Variants in BABAM2 observed in about 807,000 individuals in gnomAD.
BABAM2 encodes BRISC and BRCA1 A complex member 2.
In BABAM2, 31 loss-of-function variants were observed where a neutral mutation model predicts 54.7. The observed-to-expected ratio is 0.57, with a 90% CI of 0.43 to 0.77. The LOEUF (loss-of-function observed/expected upper bound fraction) is 0.77. Among genes scored for constraint, BABAM2 ranks in the 30% least tolerant of loss-of-function variants. The probability of loss-of-function intolerance (pLI) is 0.00; values close to 1 mark genes in which losing one functional copy is unlikely to be tolerated. For missense variants in BABAM2, 364 were observed against 455.8 expected (o/e 0.80, Z 1.83); for synonymous variants, 167 against 162.9 (o/e 1.03, Z -0.19).
intron 2 of BABAM2, among the ~76,000 whole-genome samples, chr2:27,920,635 C>G (rs915104725): frequency 1.3e-5 from 2 of 152,058 alleles, no homozygotes; most frequent in African/African-American, 4.8e-5. Context: ...TCCTTCTCAG[C>G]TGATGTTAAA....
intron 10 of BABAM2, among the ~76,000 whole-genome samples, chr2:28,278,441 T>G (rs180732913): frequency 2.0e-5 from 3 of 152,238 alleles, no homozygotes; most frequent in Admixed American, 2.0e-4. Context: ...AACACTCAGA[T>G]TTTGGAGGTG....
intron 7 of BABAM2, among the ~76,000 whole-genome samples, chr2:28,156,942 T>G (rs1672596490): frequency 1.3e-5 from 2 of 152,236 alleles, no homozygotes; most frequent in African/African-American, 4.8e-5. Flanking sequence ...GATAGAAATC[T>G]CTTTCACAGC....
chr2:28,185,685 G>C (rs1676202180), intron 7 of BABAM2, among the ~76,000 whole-genome samples: 1 of 151,926 alleles, frequency 6.6e-6, no homozygotes, highest in Admixed American at 6.6e-5. Context: ...CAAGTTACCT[G>C]GATCACCACA....
intron 6 of BABAM2, among the ~76,000 whole-genome samples, chr2:28,056,315 T>G (rs1678408896): frequency 2.0e-5 from 3 of 152,232 alleles, no homozygotes; most frequent in Non-Finnish European, 4.4e-5. Context: ...AGATGATGGA[T>G]GTATTAATTT....
chr2:28,315,423 TTTCTTTTCTTTTC>T (rs1558524704), intron 11 of BABAM2, among the ~76,000 whole-genome samples: 1 of 13,624 alleles, frequency 7.3e-5, no homozygotes, highest in Non-Finnish European at 1.5e-4. Context: ...GTGGTTCTTT[TTTCTTTTCTTTTC>T]TTTTCTTTTC....
chr2:27,959,331 TTTAA>T (rs1188303788), intron 3 of BABAM2, among the ~76,000 whole-genome samples: 4 of 152,334 alleles, frequency 2.6e-5, no homozygotes, highest in Non-Finnish European at 5.9e-5. Context: ...GTTGGAATCT[TTTAA>T]TTAATGTTTC....
chr2:28,261,349 C>T (rs1328933461), intron 10 of BABAM2, among the ~76,000 whole-genome samples: 5 of 136,774 alleles, frequency 3.7e-5, no homozygotes, highest in South Asian at 4.7e-4. Context: ...TTTTTTGAGG[C>T]GGAGTCTTGC....
chr2:28,054,975 T>C (rs1678280620), intron 6 of BABAM2, among the ~76,000 whole-genome samples: 1 of 152,196 alleles, frequency 6.6e-6, no homozygotes, highest in African/African-American at 2.4e-5. Flanking sequence ...ACTGTGGAAC[T>C]AAGCACTATT....
chr2:28,048,658 C>T (rs1677782094), intron 6 of BABAM2, among the ~76,000 whole-genome samples: 1 of 152,182 alleles, frequency 6.6e-6, no homozygotes, highest in Admixed American at 6.5e-5. Flanking sequence ...CGTAGACCAA[C>T]TGTCTTATGT....
chr2:28,229,143 C>T (rs1681146473), intron 7 of BABAM2, among the ~76,000 whole-genome samples: 1 of 152,106 alleles, frequency 6.6e-6, no homozygotes, highest in South Asian at 2.1e-4. Flanking sequence ...ACTAAAACAC[C>T]CAAGTCACAT....
chr2:27,969,635 T>C (rs769909406), intron 3 of BABAM2, among the ~76,000 whole-genome samples: 1 of 152,176 alleles, frequency 6.6e-6, no homozygotes, highest in Non-Finnish European at 1.5e-5. Context: ...TGGAGCTGGA[T>C]GGCCACGATT....
intron 7 of BABAM2, among the ~76,000 whole-genome samples, chr2:28,196,869 G>A (rs1329518819): frequency 4.9e-5 from 2 of 41,114 alleles, no homozygotes; most frequent in African/African-American, 1.3e-4. Flanking sequence ...TTTTTGAGGA[G>A]GGTCTTACTC....
intron 6 of BABAM2, among the ~76,000 whole-genome samples, chr2:28,072,003 A>T (rs1225576157): frequency 6.6e-6 from 1 of 151,934 alleles, no homozygotes; most frequent in Non-Finnish European, 1.5e-5. Context: ...GAAACTAAAC[A>T]TTTTTTTTAA....
At position 28,321,941 on chromosome 2, in the gene BABAM2, T is replaced by G. The variant is rs951151670; in HGVS notation, c.1089-16509T>G. Among the ~76,000 whole-genome samples the G allele has an allele frequency of 4.0e-5, 6 of 150,610 alleles. 1 individual carries two copies. The highest frequency in any genetic ancestry group is 4.0e-4 in the Admixed American group (6 of 15,182). ...AAATATTTATTCTGATAAAGTGAGT[T>G]TAAAAAAAAAAAAAACTAGATCGAT... On this transcript the variant is annotated intron_variant, in intron 11 of 11. Coordinates refer to ENST00000379624, the MANE Select transcript of BABAM2 (RefSeq NM_199191.3).
At chr2:28,219,908 T>C (rs1005384993) in intron 7 of BABAM2, among the ~76,000 whole-genome samples, 12 of 152,128 alleles carry the variant, frequency 7.9e-5, no homozygotes, top group Admixed American at 6.5e-4. Context: ...TGCAGGGACT[T>C]TGGTGAGAAA....
chr2:28,144,810 C>T (rs893817732), intron 7 of BABAM2, among the ~76,000 whole-genome samples: 1 of 152,196 alleles, frequency 6.6e-6, no homozygotes, highest in Non-Finnish European at 1.5e-5. Context: ...TATTAAGGCA[C>T]ACAGATGTTA....
chr2:28,206,854 C>T (rs560611521), intron 7 of BABAM2, among the ~76,000 whole-genome samples: 1 of 152,298 alleles, frequency 6.6e-6, no homozygotes, highest in South Asian at 2.1e-4. Context: ...AAGTCCTTGC[C>T]AGTGTTTAGT....
At chr2:28,053,738 G>C (rs980269554) in intron 6 of BABAM2, among the ~76,000 whole-genome samples, 2 of 152,140 alleles carry the variant, frequency 1.3e-5, no homozygotes, top group African/African-American at 4.8e-5. Flanking sequence ...TCAGGGTCCA[G>C]CAGGCTCCTC....
intron 7 of BABAM2, among the ~76,000 whole-genome samples, chr2:28,227,791 A>C (rs1049642233): frequency 6.6e-6 from 1 of 152,128 alleles, no homozygotes; most frequent in Non-Finnish European, 1.5e-5. Context: ...TGTGAGGACC[A>C]CCTGCATCCA....
Sources: allele counts gnomAD v4.1 joint callset (sites outside exome capture counted in the v4.1 genomes callset), GRCh38; gene constraint gnomAD v4.1.1; transcripts MANE v1.5; gene names NCBI Gene and HGNC (gene_info 2026-07-23, HGNC 2026-07-21).